RASGRF2: variants seen among roughly 807,000 people sequenced by gnomAD.
RASGRF2 encodes the protein ras-specific guanine nucleotide-releasing factor 2.
Under a neutral mutation model 151.0 loss-of-function variants are expected in RASGRF2, and 76 were observed. The ratio of observed to expected loss-of-function variants is 0.50; its 90% confidence interval spans 0.42 to 0.61. The LOEUF is 0.61. Among genes scored for constraint, RASGRF2 ranks in the 20% least tolerant of loss-of-function variants. RASGRF2 has a pLI of 0.00. For synonymous variants in RASGRF2, 504 were observed against 566.5 expected, an observed-to-expected ratio of 0.89 and a Z score of 1.57; for missense variants, 1,148 against 1,564.6, an observed-to-expected ratio of 0.73 and a Z score of 4.49.
At chr5:81,030,474 G>T (rs950847952) in intron 1 of RASGRF2, among the ~76,000 whole-genome samples, 1 of 152,226 alleles carries the variant, frequency 6.6e-6, no homozygotes, top group Admixed American at 6.5e-5. Context: ...CCACAAGCCA[G>T]AGGACAGTGG....
intron 1 of RASGRF2, among the ~76,000 whole-genome samples, chr5:81,020,340 G>C (rs566876378): frequency 4.5e-4 from 69 of 152,044 alleles, no homozygotes; most frequent in African/African-American, 1.6e-3. Flanking sequence ...TTTTTTCTTT[G>C]AGTAATTTAC....
At chr5:81,126,985 T>C (rs1753473488) in intron 16 of RASGRF2, 89 bp from the exon 17 acceptor site, 1 of 1,417,932 alleles carries the variant, frequency 7.1e-7, no homozygotes, top group Admixed American at 1.8e-5. Context: ...CAGTCCTTCA[T>C]CTGGTGCAGG....
intron 25 of RASGRF2, among the ~76,000 whole-genome samples, chr5:81,219,333 G>A (rs537330023): frequency 6.6e-5 from 10 of 152,082 alleles, no homozygotes; most frequent in African/African-American, 2.4e-4. Flanking sequence ...CACCCACCTC[G>A]GCCTCCCAAA....
intron 6 of RASGRF2, 61 bp downstream of exon 6, chr5:81,080,261 T>C (rs533548553): frequency 1.3e-6 from 2 of 1,569,708 alleles, no homozygotes; most frequent in East Asian, 2.3e-5. Context: ...TAGAGTAAAA[T>C]AGCTCCAACA....
intron 7 of RASGRF2, among the ~76,000 whole-genome samples, chr5:81,083,080 T>C (rs933902964): frequency 3.3e-5 from 5 of 152,170 alleles, no homozygotes; most frequent in Admixed American, 2.0e-4. Context: ...TTTTCCTTAC[T>C]AAGCTCACTC....
chr5:81,063,671 A>T (rs1048964710), intron 2 of RASGRF2, among the ~76,000 whole-genome samples: 4 of 151,642 alleles, frequency 2.6e-5, no homozygotes, highest in African/African-American at 9.7e-5. Flanking sequence ...TATATTTCCA[A>T]TCTCTTTATA....
chr5:81,105,318 T>C (rs1426488166), intron 12 of RASGRF2, among the ~76,000 whole-genome samples: 2 of 152,106 alleles, frequency 1.3e-5, no homozygotes, highest in East Asian at 3.9e-4. Context: ...AGAAACAGGT[T>C]AAATCTCTGC....
chr5:81,150,151 G>C (rs1754100907), intron 17 of RASGRF2, among the ~76,000 whole-genome samples: 2 of 152,330 alleles, frequency 1.3e-5, no homozygotes, highest in South Asian at 4.1e-4. Flanking sequence ...AGGGCCTTAG[G>C]GAGAATGGCC....
At chr5:81,109,392 C>CA (rs1752935442) in intron 13 of RASGRF2, among the ~76,000 whole-genome samples, 1 of 152,206 alleles carries the variant, frequency 6.6e-6, no homozygotes, top group South Asian at 2.1e-4. Flanking sequence ...TGCGGTGGCT[C>CA]ACGCCTGTAA....
intron 18 of RASGRF2, among the ~76,000 whole-genome samples, chr5:81,185,573 A>G (rs1374242359): frequency 6.6e-6 from 1 of 152,086 alleles, no homozygotes; most frequent in Non-Finnish European, 1.5e-5. Context: ...GGTCTCCAAA[A>G]TCTCACCAAA....
At chr5:81,012,056 G>T (rs504365) in intron 1 of RASGRF2, among the ~76,000 whole-genome samples, 47,562 of 151,984 alleles carry the variant, frequency 0.31, 7,607 homozygotes, top group Middle Eastern at 0.49. Context: ...ACTTGTCTTC[G>T]AGCATCCCAG....
intron 1 of RASGRF2, among the ~76,000 whole-genome samples, chr5:81,007,865 G>C (rs1000629286): frequency 6.6e-6 from 1 of 152,086 alleles, no homozygotes; most frequent in Non-Finnish European, 1.5e-5. Context: ...CTTCTCATTT[G>C]GGAGGGGGTG....
chr5:80,978,370 A>G (rs1288453107), intron 1 of RASGRF2, among the ~76,000 whole-genome samples: 1 of 152,234 alleles, frequency 6.6e-6, no homozygotes, highest in Non-Finnish European at 1.5e-5. Flanking sequence ...ACAGAGAACT[A>G]TATGAGAAAA....
At chr5:81,123,370 C>T (rs530073741) in intron 15 of RASGRF2, among the ~76,000 whole-genome samples, 2 of 152,172 alleles carry the variant, frequency 1.3e-5, no homozygotes, top group African/African-American at 4.8e-5. Context: ...CCACCACATA[C>T]CCCCGTTTAC....
intron 1 of RASGRF2, among the ~76,000 whole-genome samples, chr5:80,988,485 C>T (rs1053245672): frequency 1.3e-5 from 2 of 152,124 alleles, no homozygotes; most frequent in African/African-American, 4.8e-5. Flanking sequence ...TGAATTAAGT[C>T]ATTGTTATGT....
chr5:81,159,606 G>T (rs1353931759), intron 17 of RASGRF2, among the ~76,000 whole-genome samples: 1 of 152,246 alleles, frequency 6.6e-6, no homozygotes, highest in East Asian at 1.9e-4. Context: ...GGGGTATTTT[G>T]TGGGTGATTG....
intron 17 of RASGRF2, among the ~76,000 whole-genome samples, chr5:81,143,967 G>A (rs1753946369): frequency 6.6e-6 from 1 of 151,816 alleles, no homozygotes; most frequent in Non-Finnish European, 1.5e-5. Context: ...AAAGGCAATA[G>A]GGCAAATAAA....
intron 17 of RASGRF2, among the ~76,000 whole-genome samples, chr5:81,151,561 A>G (rs369175): frequency 0.53 from 80,202 of 151,994 alleles, 21,823 homozygotes; most frequent in East Asian, 0.86. Flanking sequence ...AGAAAATTCC[A>G]AGAATGGAAA....
At chr5:80,996,881 T>G (rs975862637) in intron 1 of RASGRF2, among the ~76,000 whole-genome samples, 6 of 151,940 alleles carry the variant, frequency 3.9e-5, no homozygotes, top group Admixed American at 2.0e-4. Context: ...ACTTCTTTGG[T>G]GTATGTATTT....
Sources: allele counts gnomAD v4.1 joint callset (sites outside exome capture counted in the v4.1 genomes callset), GRCh38; gene constraint gnomAD v4.1.1; transcripts MANE v1.5; gene names NCBI Gene and HGNC (gene_info 2026-07-23, HGNC 2026-07-21).